The following PRORP variants were observed in gnomAD, a reference collection of about 807,000 sequenced individuals.
PRORP encodes the protein mitochondrial ribonuclease P catalytic subunit.
A neutral mutation model predicts 59.4 loss-of-function variants in PRORP; 51 were observed. That is an observed-to-expected ratio of 0.86 (90% CI 0.69 to 1.08). The LOEUF is 1.08. PRORP is among the 50% of genes least tolerant of loss of function. PRORP has a pLI of 0.00. For missense variants in PRORP, 646 were observed against 690.3 expected (o/e 0.94, Z 0.72); for synonymous variants, 231 against 245.6 (o/e 0.94, Z 0.55).
intron 5 of PRORP, among the ~76,000 whole-genome samples, chr14:35,182,356 A>G (rs2139045991): frequency 6.6e-6 from 1 of 152,096 alleles, no homozygotes; most frequent in East Asian, 1.9e-4. Context: ...TAAGAAAAAG[A>G]TGAACCGACT....
intron 4 of PRORP, among the ~76,000 whole-genome samples, chr14:35,162,786 T>A (rs547481420): frequency 2.6e-4 from 40 of 152,246 alleles, no homozygotes; most frequent in African/African-American, 9.6e-4. Context: ...CTCTAAATTT[T>A]TCATCCATTT....
At chr14:35,215,746 A>G (rs993026450) in intron 5 of PRORP, among the ~76,000 whole-genome samples, 1 of 151,386 alleles carries the variant, frequency 6.6e-6, no homozygotes, top group Non-Finnish European at 1.5e-5. Context: ...AGCCCAGGTG[A>G]CAGAGTAAGA....
chr14:35,141,234 TTTC>T (rs2047473729), intron 4 of PRORP, among the ~76,000 whole-genome samples: 1 of 144,702 alleles, frequency 6.9e-6, no homozygotes, highest in Non-Finnish European at 1.5e-5. Flanking sequence ...CTTCCTTCTT[TTTC>T]TTTTTTTTTT....
intron 5 of PRORP, among the ~76,000 whole-genome samples, chr14:35,216,026 C>A (rs2049579553): frequency 6.8e-6 from 1 of 147,108 alleles, no homozygotes; most frequent in Non-Finnish European, 1.5e-5. Context: ...CTCGGCCTCC[C>A]AAAGTGCTGG....
intron 2 of PRORP, 24 bp downstream of exon 2, chr14:35,124,255 A>G (rs1180363640): frequency 1.4e-6 from 2 of 1,461,230 alleles, no homozygotes; most frequent in East Asian, 2.3e-5. Flanking sequence ...TTTTATATGT[A>G]TGTTTTTATT....
chr14:35,131,532 G>GT (rs34299957), intron 4 of PRORP, among the ~76,000 whole-genome samples: 254 of 130,472 alleles, frequency 1.9e-3, no homozygotes, highest in Admixed American at 3.5e-3. Context: ...TTGCTTTTTG[G>GT]TTTTTTTTTT....
chr14:35,243,954 A>G (rs1011306585), intron 5 of PRORP, among the ~76,000 whole-genome samples: 1 of 152,206 alleles, frequency 6.6e-6, no homozygotes, highest in Non-Finnish European at 1.5e-5. Context: ...TTAAATTTAT[A>G]TACCTGAAAA....
chr14:35,136,631 T>A (rs1595171474), intron 4 of PRORP, among the ~76,000 whole-genome samples: 1 of 145,334 alleles, frequency 6.9e-6, no homozygotes, highest in South Asian at 2.3e-4. Flanking sequence ...CACCTCGGCC[T>A]CCCAAAGTGC....
At chr14:35,170,413 AT>A (rs1200200913) in intron 4 of PRORP, among the ~76,000 whole-genome samples, 1 of 151,834 alleles carries the variant, frequency 6.6e-6, no homozygotes, top group Non-Finnish European at 1.5e-5. Context: ...AAAAAATTTT[AT>A]CAACTCTGGC....
intron 5 of PRORP, among the ~76,000 whole-genome samples, chr14:35,261,120 G>T (rs993196082): frequency 1.1e-4 from 17 of 152,142 alleles, no homozygotes; most frequent in African/African-American, 3.9e-4. Flanking sequence ...CCTTTGTTGG[G>T]TTTTTTTGTC....
chr14:35,248,766 C>T (rs886835026), intron 5 of PRORP, among the ~76,000 whole-genome samples: 2 of 152,202 alleles, frequency 1.3e-5, no homozygotes, highest in East Asian at 3.8e-4. Flanking sequence ...AATACAGTGT[C>T]ACTCTATGTC....
At chr14:35,238,833 A>G (rs112049152) in intron 5 of PRORP, among the ~76,000 whole-genome samples, 1 of 152,202 alleles carries the variant, frequency 6.6e-6, no homozygotes, top group African/African-American at 2.4e-5. Context: ...AGGCATATCA[A>G]AGCTTTTTTA....
Position 35,203,505 on chromosome 14 carries a change from C to T in PRORP, c.1275+22728C>T, listed in dbSNP as rs138025024. On this transcript the variant is annotated intron_variant, in intron 5 of 7. Transcript: ENST00000534898. The stretch of plus-strand genomic sequence containing the variant: ...TCACACCACTACACTGCAGCCTGCA[C>T]GACAGAGTGATACCCTGTCTCAAAA... 5.9e-5 allele frequency among the ~76,000 whole-genome samples: 9 copies of T among 151,980 alleles called. No individual in the cohort carries two copies. The East Asian group carries it at 1.2e-3, about 20-fold the overall frequency.
rs138215798 is a variant in PRORP, at chr14:35,269,028, G to A, written c.1425-1373G>A. Among the ~76,000 whole-genome samples, 380 of 152,238 alleles carry A rather than the reference G, an allele frequency of 2.5e-3. 1 individual carries two copies. The highest frequency in any genetic ancestry group is 8.7e-3 in the African/African-American group (360 of 41,528). ...AGATGGTGCTTCCATTTCTCCAAGA[G>A]CAGAAGACCTAATGGCAACATTGGG... On this transcript the variant is annotated intron_variant, in intron 6 of 7. Coordinates refer to ENST00000534898, the MANE Select transcript of PRORP (RefSeq NM_014672.4).
chr14:35,257,429 A>G (rs1234321791), intron 5 of PRORP, among the ~76,000 whole-genome samples: 2 of 152,122 alleles, frequency 1.3e-5, no homozygotes, highest in Admixed American at 1.3e-4. Context: ...ACTTTAGGTA[A>G]CTTATGTAAG....
intron 4 of PRORP, among the ~76,000 whole-genome samples, chr14:35,134,243 C>T (rs1411059908): frequency 6.6e-6 from 1 of 152,034 alleles, no homozygotes; most frequent in Non-Finnish European, 1.5e-5. Context: ...CAGAGGAGCC[C>T]CACCGTGTGG....
At chr14:35,133,068 C>G (rs2047289774) in intron 4 of PRORP, among the ~76,000 whole-genome samples, 1 of 151,910 alleles carries the variant, frequency 6.6e-6, no homozygotes, top group Admixed American at 6.6e-5. Context: ...ATTACAGGTT[C>G]ACGTCACCAC....
intron 5 of PRORP, among the ~76,000 whole-genome samples, chr14:35,201,558 T>C (rs1233130088): frequency 1.3e-5 from 1 of 77,154 alleles, no homozygotes; most frequent in Non-Finnish European, 2.8e-5. Flanking sequence ...GTAGGTGTTT[T>C]TTGTTTCTTT....
At chr14:35,127,710 AG>A in intron 4 of PRORP, 99 bp downstream of exon 4, 1 of 1,274,608 alleles carries the variant, frequency 7.8e-7, no homozygotes, top group South Asian at 1.3e-5. Flanking sequence ...TAGGCTTTGT[AG>A]GTCATCGGTC....
Sources: allele counts gnomAD v4.1 joint callset (sites outside exome capture counted in the v4.1 genomes callset), GRCh38; gene constraint gnomAD v4.1.1; transcripts MANE v1.5; gene names NCBI Gene and HGNC (gene_info 2026-07-23, HGNC 2026-07-21).